OR51B5: variants seen among roughly 807,000 people sequenced by gnomAD.
OR51B5 encodes olfactory receptor family 51 subfamily B member 5, also known as olfactory receptor 51B5.
For missense variants in OR51B5, 456 were observed against 374.6 expected (o/e 1.22, Z -1.79); for synonymous variants, 186 against 144.8 (o/e 1.28, Z -2.04).
At chr11:5,434,731 C>A (rs1850570954) in intron 1 of OR51B5, among the ~76,000 whole-genome samples, 1 of 152,126 alleles carries the variant, frequency 6.6e-6, no homozygotes, top group South Asian at 2.1e-4. Context: ...AAAATGACAA[C>A]CAGAGGGGCA....
chr11:5,413,011 G>GACCCCCA (rs1192500050), intron 1 of OR51B5, among the ~76,000 whole-genome samples: 8 of 144,832 alleles, frequency 5.5e-5, no homozygotes, highest in African/African-American at 2.0e-4. Flanking sequence ...CCTGACCCCA[G>GACCCCCA]AGCAGCCTTA....
At chr11:5,429,907 C>T (rs1356858283) in intron 1 of OR51B5, among the ~76,000 whole-genome samples, 1 of 152,114 alleles carries the variant, frequency 6.6e-6, no homozygotes, top group African/African-American at 2.4e-5. Context: ...TGACATTGTT[C>T]ATATTTTATT....
intron 1 of OR51B5, among the ~76,000 whole-genome samples, chr11:5,474,580 CTT>C (rs992344996): frequency 2.0e-5 from 3 of 152,160 alleles, no homozygotes; most frequent in African/African-American, 4.8e-5. Context: ...GCCTTTTCCT[CTT>C]GTTTGTTGTT....
chr11:5,410,074 T>A (rs1850121875), intron 1 of OR51B5, among the ~76,000 whole-genome samples: 1 of 152,172 alleles, frequency 6.6e-6, no homozygotes, highest in Admixed American at 6.5e-5. Context: ...AGTTTTCAGA[T>A]AAGCAAATAC....
chr11:5,358,300 A>G (rs1268518327), intron 1 of OR51B5, among the ~76,000 whole-genome samples: 3 of 152,108 alleles, frequency 2.0e-5, no homozygotes, highest in African/African-American at 7.2e-5. Context: ...ATAAAAAATG[A>G]TAAAGGGTAT....
At chr11:5,387,454 G>T (rs1195930859) in intron 1 of OR51B5, among the ~76,000 whole-genome samples, 3 of 152,088 alleles carry the variant, frequency 2.0e-5, no homozygotes, top group African/African-American at 7.2e-5. Flanking sequence ...GATAAATGTG[G>T]ACTATTTTTT....
intron 1 of OR51B5, among the ~76,000 whole-genome samples, chr11:5,379,942 C>T (rs536391313): frequency 1.2e-4 from 18 of 151,612 alleles, no homozygotes; most frequent in Non-Finnish European, 2.2e-4. Flanking sequence ...TGCAACCGCC[C>T]GATCTTGGAC....
At chr11:5,387,131 C>T (rs574758589) in intron 1 of OR51B5, among the ~76,000 whole-genome samples, 3 of 151,998 alleles carry the variant, frequency 2.0e-5, no homozygotes, top group Non-Finnish European at 4.4e-5. Context: ...GGACAGTAAA[C>T]TGAATAACAT....
At chr11:5,387,048 T>C (rs1349030138) in intron 1 of OR51B5, among the ~76,000 whole-genome samples, 2 of 152,142 alleles carry the variant, frequency 1.3e-5, no homozygotes, top group Non-Finnish European at 2.9e-5. Flanking sequence ...TAGAGATTAA[T>C]GTCTAAGAGC....
Position 5,429,447 on chromosome 11 carries a change from C to T in OR51B5, n.84+76122G>A, listed in dbSNP as rs760591879. Among the ~76,000 whole-genome samples the T allele has an allele frequency of 5.3e-5, 8 of 152,218 alleles. No individual in the cohort carries two copies. In the East Asian group the frequency reaches 1.5e-3, roughly 29 times the overall value. On this transcript the variant is annotated intron_variant and non_coding_transcript_variant, in intron 1 of 4. Coordinates refer to the OR51B5 transcript ENST00000415970. ...CAAGGAGAATAATATGTGGTGAGGA[C>T]AATATTTTCATTGTAATTGGAGGCC...
At chr11:5,367,520 G>C (rs573991119) in intron 1 of OR51B5, among the ~76,000 whole-genome samples, 10 of 152,144 alleles carry the variant, frequency 6.6e-5, no homozygotes, top group Non-Finnish European at 1.2e-4. Flanking sequence ...TCATAGTGCT[G>C]GTGGGAGAGT....
At chr11:5,431,058 G>C (rs1445727611) in intron 1 of OR51B5, 1 of 453,494 alleles carries the variant, frequency 2.2e-6, no homozygotes, top group Non-Finnish European at 4.4e-6. Context: ...GATCTGAGTG[G>C]AGGCAGTAGG....
chr11:5,374,534 G>A (rs564812310), intron 1 of OR51B5, among the ~76,000 whole-genome samples: 33 of 152,228 alleles, frequency 2.2e-4, no homozygotes, highest in East Asian at 5.8e-4. Context: ...AAACTACTCC[G>A]AGCTACAGGA....
intron 1 of OR51B5, among the ~76,000 whole-genome samples, chr11:5,363,686 G>A (rs1381165726): frequency 6.6e-6 from 1 of 152,084 alleles, no homozygotes; most frequent in Admixed American, 6.5e-5. Context: ...TCTGCCATTT[G>A]GCCATTTGCT....
intron 1 of OR51B5, chr11:5,430,906 C>G (rs189549002): frequency 6.6e-5 from 30 of 457,114 alleles, no homozygotes; most frequent in Admixed American, 5.9e-4. Flanking sequence ...CCGTCCCTCT[C>G]CAGAAGCAAT....
At position 5,351,281 on chromosome 11, in the gene OR51B5, C is replaced by A. The variant is rs556967816; in HGVS notation, n.85-4371G>T. On this transcript the variant is annotated intron_variant and non_coding_transcript_variant, in intron 1 of 4. Transcript: ENST00000415970. ...AATAGCTGTATCCCCAACGTAGTAT[C>A]CAATAATCTTACATAGAGTAAACCC... 2.0e-5 allele frequency among the ~76,000 whole-genome samples: 3 copies of A among 152,264 alleles called. No homozygotes were observed. The East Asian group carries it at 5.8e-4, about 29-fold the overall frequency.
intron 1 of OR51B5, among the ~76,000 whole-genome samples, chr11:5,348,669 C>T (rs1317435443): frequency 6.6e-6 from 1 of 152,058 alleles, no homozygotes; most frequent in Non-Finnish European, 1.5e-5. Context: ...CTTCTTTTGC[C>T]TGCTTTCTTC....
chr11:5,467,973 A>T (rs1008210967), intron 1 of OR51B5, among the ~76,000 whole-genome samples: 7 of 152,102 alleles, frequency 4.6e-5, no homozygotes, highest in African/African-American at 1.4e-4. Context: ...TATGGTTTCT[A>T]TTTTTGTTCC....
In OR51B5 at chr11:5,496,642, T is replaced by C. The variant is rs894577670; in HGVS notation, n.84+8927A>G. 3.9e-5 allele frequency among the ~76,000 whole-genome samples: 6 copies of C among 152,318 alleles called. No homozygotes were observed. In the East Asian group the frequency reaches 5.8e-4, roughly 15 times the overall value. ...AGCAAGAGGGGGAGCCTCTTTTGAATTGGCCATGTGACTTGGCTGTTTTTC... is the reference window on the plus strand; with the variant it reads ...AGCAAGAGGGGGAGCCTCTTTTGAACTGGCCATGTGACTTGGCTGTTTTTC... On this transcript the variant is annotated intron_variant and non_coding_transcript_variant, in intron 1 of 4. Transcript: ENST00000415970.
Sources: gnomAD v4.1 joint callset for allele counts (sites outside exome capture counted in the v4.1 genomes callset) on GRCh38, gnomAD v4.1.1 for gene constraint, MANE v1.5 for transcripts, NCBI Gene and HGNC (gene_info 2026-07-23, HGNC 2026-07-21) for gene names.